Variants in KCNIP4 observed in about 807,000 individuals in gnomAD.
KCNIP4 encodes potassium voltage-gated channel interacting protein 4, also known as Kv channel-interacting protein 4.
In KCNIP4, 12 loss-of-function variants were observed where a neutral mutation model predicts 34.0. That is an observed-to-expected ratio of 0.35 (90% CI 0.23 to 0.57). The LOEUF is 0.57. Ranked by LOEUF, KCNIP4 falls within the 20% of genes least tolerant of loss-of-function variation. The pLI is 0.83. For missense variants in KCNIP4, 238 were observed against 311.7 expected, an observed-to-expected ratio of 0.76 and a Z score of 1.78; for synonymous variants, 124 against 102.2, an observed-to-expected ratio of 1.21 and a Z score of -1.29.
chr4:21,826,644 GA>G (rs988631632), intron 1 of KCNIP4, among the ~76,000 whole-genome samples: 1 of 151,870 alleles, frequency 6.6e-6, no homozygotes, highest in African/African-American at 2.4e-5. Context: ...GATCACATGT[GA>G]AAAAAATAAA....
intron 1 of KCNIP4, among the ~76,000 whole-genome samples, chr4:21,431,184 A>G (rs950603623): frequency 6.6e-6 from 1 of 152,080 alleles, no homozygotes; most frequent in Non-Finnish European, 1.5e-5. Flanking sequence ...AAAAAAGGAA[A>G]AGTAAGGAAT....
intron 1 of KCNIP4, among the ~76,000 whole-genome samples, chr4:21,378,059 AG>A (rs1721137918): frequency 6.6e-6 from 1 of 152,038 alleles, no homozygotes; most frequent in Non-Finnish European, 1.5e-5. Flanking sequence ...ACTTCACTCC[AG>A]GTATTTCCCA....
At chr4:21,047,185 C>A (rs1388025415) in intron 1 of KCNIP4, among the ~76,000 whole-genome samples, 1 of 152,190 alleles carries the variant, frequency 6.6e-6, no homozygotes, top group Non-Finnish European at 1.5e-5. Context: ...ATTGTGGCAT[C>A]CCTTTTTCAA....
intron 1 of KCNIP4, among the ~76,000 whole-genome samples, chr4:21,038,208 C>T (rs1560667290): frequency 6.6e-6 from 1 of 152,024 alleles, no homozygotes; most frequent in East Asian, 1.9e-4. Context: ...ATCTCCTGAC[C>T]TTGTGATCCA....
chr4:21,860,211 G>A (rs1367619124), intron 1 of KCNIP4, among the ~76,000 whole-genome samples: 2 of 152,136 alleles, frequency 1.3e-5, no homozygotes. Flanking sequence ...TCAGCTCACT[G>A]CAACTTCTGC....
At chr4:21,322,402 T>C (rs994010840) in intron 1 of KCNIP4, among the ~76,000 whole-genome samples, 1 of 152,132 alleles carries the variant, frequency 6.6e-6, no homozygotes, top group African/African-American at 2.4e-5. Flanking sequence ...ATTACTCCTA[T>C]TAAGTCCAGG....
chr4:21,466,263 C>G lies in KCNIP4; in HGVS notation c.61+482308G>C, dbSNP rs116400509. Among the ~76,000 whole-genome samples the G allele has an allele frequency of 6.7e-3, 1,026 of 152,238 alleles. 9 individuals are homozygous for G. Among genetic ancestry groups the G allele is most frequent in the African/African-American group, 0.023 (957 of 41,548 alleles). On this transcript the variant is annotated intron_variant, in intron 1 of 8. Coordinates refer to ENST00000382152, the MANE Select transcript of KCNIP4 (RefSeq NM_025221.6). ...ACACCGAACTCCAAAGTCTAACCCA[C>G]AATGTTTATAGTATGCTGTGGATAC...
intron 1 of KCNIP4, among the ~76,000 whole-genome samples, chr4:21,460,136 A>G (rs1011012834): frequency 6.7e-5 from 9 of 133,906 alleles, no homozygotes; most frequent in African/African-American, 2.4e-4. Flanking sequence ...TTTCTTTCCT[A>G]TTGCTCTTTC....
At chr4:21,141,614 T>TACA in intron 1 of KCNIP4, among the ~76,000 whole-genome samples, 1 of 152,300 alleles carries the variant, frequency 6.6e-6, no homozygotes, top group East Asian at 1.9e-4. Flanking sequence ...GTTGGCTTAA[T>TACA]GTTTGAATAC....
intron 1 of KCNIP4, among the ~76,000 whole-genome samples, chr4:21,206,535 G>C (rs755373065): frequency 1.3e-5 from 2 of 152,168 alleles, no homozygotes; most frequent in Admixed American, 6.6e-5. Flanking sequence ...TTGGATGGGG[G>C]ATGGCTTCTT....
intron 1 of KCNIP4, among the ~76,000 whole-genome samples, chr4:21,918,487 T>C (rs958715792): frequency 6.6e-6 from 1 of 152,034 alleles, no homozygotes; most frequent in African/African-American, 2.4e-5. Flanking sequence ...GTTGGAGAAC[T>C]GGGGAGAGTC....
intron 1 of KCNIP4, among the ~76,000 whole-genome samples, chr4:21,360,923 T>A (rs1474344160): frequency 6.8e-6 from 1 of 148,038 alleles, no homozygotes; most frequent in Non-Finnish European, 1.5e-5. Context: ...AGTCCACAAA[T>A]CCATTTAATT....
At chr4:21,083,719 C>T (rs6840528) in intron 1 of KCNIP4, among the ~76,000 whole-genome samples, 28,899 of 151,896 alleles carry the variant, frequency 0.19, 3,013 homozygotes, top group East Asian at 0.24. Flanking sequence ...ATTCTGGCTT[C>T]TGGCCTTCCT....
intron 1 of KCNIP4, among the ~76,000 whole-genome samples, chr4:20,996,946 G>A (rs1297037987): frequency 6.6e-6 from 1 of 152,110 alleles, no homozygotes; most frequent in Admixed American, 6.6e-5. Flanking sequence ...ATAAGACAGG[G>A]TTCTTTCCTC....
intron 1 of KCNIP4, among the ~76,000 whole-genome samples, chr4:21,465,466 C>T (rs1004687027): frequency 6.6e-5 from 10 of 152,132 alleles, no homozygotes; most frequent in Non-Finnish European, 1.3e-4. Flanking sequence ...AGTCTACAAA[C>T]TCAACTCTCT....
chr4:20,751,553 T>C (rs1753642005), intron 4 of KCNIP4, among the ~76,000 whole-genome samples: 1 of 152,008 alleles, frequency 6.6e-6, no homozygotes. Flanking sequence ...AAAAAAGAGA[T>C]TTTGCATATT....
At position 20,803,768 on chromosome 4, in the gene KCNIP4, AGGAC is replaced by A. The variant is rs1189488501; in HGVS notation, c.289-44882_289-44879del. 6.5e-3 allele frequency among the ~76,000 whole-genome samples: 944 copies of A among 146,174 alleles called. 35 individuals carry two copies. Among genetic ancestry groups the A allele is most frequent in the African/African-American group, 0.019 (745 of 39,302 alleles). On this transcript the variant is annotated intron_variant, in intron 3 of 8. Transcript: ENST00000382152. ...AAGGAAGGAAGGAAAGAAGGAAGGA[AGGAC>A]GGAAAATAGAGAACAGAAAAACCAT...
At chr4:21,254,783 A>C (rs1159367755) in intron 1 of KCNIP4, among the ~76,000 whole-genome samples, 1 of 151,964 alleles carries the variant, frequency 6.6e-6, no homozygotes, top group Non-Finnish European at 1.5e-5. Context: ...AACTGGAAAA[A>C]CCTGTAACCA....
intron 1 of KCNIP4, among the ~76,000 whole-genome samples, chr4:21,659,903 C>G (rs979410869): frequency 6.6e-6 from 1 of 152,158 alleles, no homozygotes; most frequent in Non-Finnish European, 1.5e-5. Context: ...AGGACTCTAG[C>G]TAAAAGCACC....
Sources: allele counts gnomAD v4.1 joint callset (sites outside exome capture counted in the v4.1 genomes callset), GRCh38; gene constraint gnomAD v4.1.1; transcripts MANE v1.5; gene names NCBI Gene and HGNC (gene_info 2026-07-23, HGNC 2026-07-21).